NHS: variants seen among roughly 807,000 people sequenced by gnomAD.
NHS encodes actin remodeling regulator NHS.
Under a neutral mutation model 72.5 loss-of-function variants are expected in NHS, and 5 were observed. The observed-to-expected ratio is 0.07, with a 90% CI of 0.04 to 0.14. The LOEUF (loss-of-function observed/expected upper bound fraction) is 0.14. Among genes scored for constraint, NHS ranks in the 10% least tolerant of loss-of-function variants. NHS has a pLI of 1.00. For missense variants in NHS, 1,072 were observed against 1,355.7 expected (o/e 0.79, Z 3.29); for synonymous variants, 464 against 547.7 (o/e 0.85, Z 2.13).
At chrX:17,578,173 T>A (rs2065521675) in intron 1 of NHS, among the ~76,000 whole-genome samples, 1 of 112,728 alleles carries the variant, frequency 8.9e-6, no homozygotes, top group African/African-American at 3.2e-5. Flanking sequence ...TGAACAATCC[T>A]GTGGTTAATG....
At chrX:17,378,711 C>A (rs2064359347) in intron 1 of NHS, among the ~76,000 whole-genome samples, 1 of 111,992 alleles carries the variant, frequency 8.9e-6, no homozygotes, top group South Asian at 3.8e-4. Flanking sequence ...GGGTTCAATC[C>A]AGCTGGCGAC....
At chrX:17,387,756 A>G (rs948755632) in intron 1 of NHS, among the ~76,000 whole-genome samples, 2 of 112,898 alleles carry the variant, frequency 1.8e-5, no homozygotes, top group African/African-American at 6.4e-5. Flanking sequence ...TGGACAATTT[A>G]TTGAATTTTC....
At chrX:17,637,497 T>A (rs1409669429) in intron 1 of NHS, among the ~76,000 whole-genome samples, 1 of 111,314 alleles carries the variant, frequency 9.0e-6, no homozygotes, top group Non-Finnish European at 1.9e-5. Context: ...GTCTCAGCAA[T>A]GTCATGGTAC....
chrX:17,689,617 A>G (rs1397110112), intron 2 of NHS, among the ~76,000 whole-genome samples: 1 of 111,947 alleles, frequency 8.9e-6, no homozygotes, highest in Non-Finnish European at 1.9e-5. Flanking sequence ...CAAGGATGAT[A>G]TCTTATTAAT....
intron 1 of NHS, among the ~76,000 whole-genome samples, chrX:17,496,562 G>A (rs1347484682): frequency 3.6e-5 from 4 of 111,271 alleles, no homozygotes; most frequent in Admixed American, 9.5e-5. Flanking sequence ...ACAAAGGGCT[G>A]TGTCAGTGAA....
In NHS at chrX:17,619,425, CCTAA is replaced by C. The variant is rs770136117; in HGVS notation, c.566-68312_566-68309del. Among the ~76,000 whole-genome samples the C allele has an allele frequency of 4.5e-5, 5 of 112,089 alleles. No individual in the cohort carries two copies. In the South Asian group the frequency reaches 1.8e-3, roughly 41 times the overall value. On this transcript the variant is annotated intron_variant, in intron 1 of 8. Transcript: ENST00000676302. ...TTGTTTGTTACACTAGTTAGCCCAC[CCTAA>C]CTAATCTTGTATATGTGGCCAAAAA... is the stretch of plus-strand genomic sequence containing the variant.
intron 1 of NHS, among the ~76,000 whole-genome samples, chrX:17,459,601 C>G (rs1035918544): frequency 8.9e-6 from 1 of 112,017 alleles, no homozygotes; most frequent in Non-Finnish European, 1.9e-5. Context: ...TTTTTTCTTT[C>G]TCATCTTATT....
At chrX:17,573,848 A>G (rs943762293) in intron 1 of NHS, among the ~76,000 whole-genome samples, 1 of 111,587 alleles carries the variant, frequency 9.0e-6, no homozygotes, top group African/African-American at 3.3e-5. Context: ...TTGGTGACCT[A>G]CGGATGGGGT....
intron 1 of NHS, among the ~76,000 whole-genome samples, chrX:17,437,380 G>C (rs1166284611): frequency 2.7e-5 from 3 of 111,706 alleles, no homozygotes; most frequent in Non-Finnish European, 3.8e-5. Context: ...AGGTTTTGAT[G>C]CGTTCCTCAA....
chrX:17,519,602 C>T (rs1237956370), intron 1 of NHS, among the ~76,000 whole-genome samples: 4 of 111,398 alleles, frequency 3.6e-5, no homozygotes, highest in Admixed American at 9.5e-5. Context: ...CCGGATGTTC[C>T]GGAGTGTGTT....
intron 1 of NHS, among the ~76,000 whole-genome samples, chrX:17,587,595 G>A (rs2065582155): frequency 1.8e-5 from 2 of 112,519 alleles, no homozygotes; most frequent in African/African-American, 6.5e-5. Context: ...GTCCTGTGGT[G>A]CACTCAGCAC....
intron 1 of NHS, among the ~76,000 whole-genome samples, chrX:17,409,215 C>T (rs1337732337): frequency 8.9e-6 from 1 of 112,065 alleles, no homozygotes; most frequent in Non-Finnish European, 1.9e-5. Flanking sequence ...CCGAACAAGA[C>T]AAAGGTGATG....
chrX:17,664,140 C>A (rs2065997010), intron 1 of NHS, among the ~76,000 whole-genome samples: 1 of 111,038 alleles, frequency 9.0e-6, no homozygotes, highest in African/African-American at 3.3e-5. Context: ...ACTCCCAGTC[C>A]TTACCTGCCC....
rs149374325 is a variant in NHS, at chrX:17,392,094, T to G, written c.565+15772T>G. 9.2e-3 allele frequency among the ~76,000 whole-genome samples: 1,027 copies of G among 111,748 alleles called. 12 individuals carry two copies. Among genetic ancestry groups the G allele is most frequent in the African/African-American group, 0.032 (976 of 30,757 alleles). ...AGTTCTGTCCAATGGAATGTGGAAG[T>G]AATAATTGCTCCAATTGTAGGAAGG... On this transcript the variant is annotated intron_variant, in intron 1 of 8. Transcript: ENST00000676302.
In NHS at chrX:17,726,132, A is replaced by G; in HGVS notation, c.2026A>G (p.Asn676Asp). ...GTCACTAAACACAGCCCCTCATGCC[A>G]ATGAGGATGCCAGTGTTTTCGTGAC... ...ELSLNTAPHA[N>D]EDASVFVTEQ... The change falls in exon 7 of 9, where the codon AAT (asparagine) becomes GAT (aspartate). Residue 676 changes from asparagine (N) to aspartate (D), a missense_variant. Coordinates refer to ENST00000676302, the MANE Select transcript of NHS (RefSeq NM_001291867.2). The G allele has an allele frequency of 8.3e-7, 1 of 1,211,794 alleles. No individual in the cohort carries two copies. Among genetic ancestry groups the G allele is most frequent in the Non-Finnish European group, 1.1e-6 (1 of 895,471 alleles).
At chrX:17,560,743 T>A (rs963459600) in intron 1 of NHS, among the ~76,000 whole-genome samples, 10 of 112,496 alleles carry the variant, frequency 8.9e-5, no homozygotes, top group African/African-American at 3.2e-4. Context: ...TCCCTTATTT[T>A]CTCTCTGCCT....
intron 1 of NHS, among the ~76,000 whole-genome samples, chrX:17,579,798 TG>T (rs1266743785): frequency 9.0e-6 from 1 of 111,358 alleles, no homozygotes; most frequent in Non-Finnish European, 1.9e-5. Context: ...AGGCTTTCTC[TG>T]GGCTTCAGGA....
At chrX:17,655,365 C>T (rs1437031465) in intron 1 of NHS, among the ~76,000 whole-genome samples, 2 of 111,889 alleles carry the variant, frequency 1.8e-5, no homozygotes, top group African/African-American at 6.5e-5. Context: ...CCCCAGCGGT[C>T]GCGCTACGGG....
chrX:17,732,441 C>G lies in NHS; in HGVS notation c.4933C>G (p.Arg1645Gly). The change falls in exon 9 of 9, where the codon CGT becomes GGT. Residue 1645 changes from arginine to glycine, a missense_variant. Coordinates refer to ENST00000676302, the MANE Select transcript of NHS (RefSeq NM_001291867.2). ...TTCTGACGGGAGCCCACATGACGAC[C>G]GTTCCTCCCAGAGTTCAACATAGAC... ...ENSDGSPHDD[R>G]SSQSST is the part of the protein sequence containing the mutation. 8.2e-7 allele frequency: 1 copy of G among 1,212,477 alleles called. No individual in the cohort carries two copies. Among genetic ancestry groups the G allele is most frequent in the Non-Finnish European group, 1.1e-6 (1 of 895,681 alleles).
Sources: allele counts gnomAD v4.1 joint callset (sites outside exome capture counted in the v4.1 genomes callset), GRCh38; gene constraint gnomAD v4.1.1; transcripts MANE v1.5; gene names NCBI Gene and HGNC (gene_info 2026-07-23, HGNC 2026-07-21).